The following ATF7IP2 variants were observed in gnomAD, a reference collection of about 807,000 sequenced individuals.
ATF7IP2 encodes the protein activating transcription factor 7-interacting protein 2.
Under a neutral mutation model 64.2 loss-of-function variants are expected in ATF7IP2, and 42 were observed. That is an observed-to-expected ratio of 0.65 (90% CI 0.51 to 0.85). The LOEUF (loss-of-function observed/expected upper bound fraction) is 0.85. ATF7IP2 is among the 40% of genes least tolerant of loss of function. The pLI is 0.00. For synonymous variants in ATF7IP2, 308 were observed against 272.8 expected, an observed-to-expected ratio of 1.13 and a Z score of -1.27; for missense variants, 933 against 784.2, an observed-to-expected ratio of 1.19 and a Z score of -2.27.
At chr16:10,477,903 A>G (rs560987498) in intron 12 of ATF7IP2, among the ~76,000 whole-genome samples, 2,160 of 145,666 alleles carry the variant, frequency 0.015, 65 homozygotes, top group African/African-American at 0.051. Flanking sequence ...CCCATTCGCA[A>G]TTGCTTCAAA....
intron 9 of ATF7IP2, among the ~76,000 whole-genome samples, chr16:10,468,663 A>G (rs2049672310): frequency 6.6e-6 from 1 of 152,206 alleles, no homozygotes; most frequent in South Asian, 2.1e-4. Flanking sequence ...AAAAATTCAG[A>G]TAGAGCTCTG....
chr16:10,471,982 TCC>T lies in ATF7IP2; in HGVS notation c.1353-123_1353-122del, dbSNP rs927041065. On this transcript the variant is annotated intron_variant, in intron 9 of 13. Coordinates refer to ENST00000562102, the MANE Select transcript of ATF7IP2 (RefSeq NM_001393719.1). ...GGTATTTGGTTTTATCATTTCTATTTCCCCCCACGATTGTTCAATTAAAACAT... is the reference window on the plus strand; with the variant it reads ...GGTATTTGGTTTTATCATTTCTATTTCCCCACGATTGTTCAATTAAAACAT... 7 of 445,962 alleles carry T rather than the reference TCC, an allele frequency of 1.6e-5. No individual in the cohort carries two copies. The East Asian group carries it at 2.4e-4, about 15-fold the overall frequency. 27.6% of individuals were successfully genotyped at this position (445,962 alleles called of 1,614,324 possible). A position where few individuals can be genotyped will look rare whatever the true frequency, so the allele number is the denominator to read the frequency against.
At chr16:10,463,176 A>G (rs2049431835) in intron 9 of ATF7IP2, among the ~76,000 whole-genome samples, 1 of 152,074 alleles carries the variant, frequency 6.6e-6, no homozygotes, top group South Asian at 2.1e-4. Flanking sequence ...GACAGTTGCT[A>G]ATTTTGTGTT....
At chr16:10,465,044 G>C (rs1317778640) in intron 9 of ATF7IP2, among the ~76,000 whole-genome samples, 2 of 152,204 alleles carry the variant, frequency 1.3e-5, no homozygotes, top group East Asian at 3.8e-4. Context: ...TAGTCAGGCT[G>C]CTCTCAAACT....
intron 9 of ATF7IP2, among the ~76,000 whole-genome samples, chr16:10,469,785 A>C (rs1337841123): frequency 6.6e-6 from 1 of 152,150 alleles, no homozygotes; most frequent in Non-Finnish European, 1.5e-5. Context: ...AAAAAACAAA[A>C]AAGGAACAAA....
chr16:10,433,516 C>A lies in ATF7IP2; in HGVS notation c.836-9C>A. 1 of 1,601,922 alleles carries A rather than the reference C, an allele frequency of 6.2e-7. No individual in the cohort carries two copies. The highest frequency in any genetic ancestry group is 8.5e-7 in the Non-Finnish European group (1 of 1,175,078). The stretch of plus-strand genomic sequence containing the variant: ...ATATCTTTCTTTCTAATCTTTTGAT[C>A]TCCTCAAGGCCATTATCAAAAGAAG... On this transcript the variant is annotated splice_polypyrimidine_tract_variant and intron_variant, in intron 5 of 13. Transcript: ENST00000562102.
intron 1 of ATF7IP2, among the ~76,000 whole-genome samples, chr16:10,410,484 C>T (rs981970918): frequency 6.6e-6 from 1 of 152,108 alleles, no homozygotes; most frequent in Non-Finnish European, 1.5e-5. Context: ...AACTTTGTAT[C>T]CAGAAACTTT....
chr16:10,438,794 C>A (rs975087690), intron 7 of ATF7IP2, among the ~76,000 whole-genome samples: 1 of 152,154 alleles, frequency 6.6e-6, no homozygotes, highest in Non-Finnish European at 1.5e-5. Context: ...ATGGCTCATG[C>A]CTGTAATCCC....
At chr16:10,458,716 C>CATAACCCTAATAGTATTATAAAATCA (rs2049266355) in intron 9 of ATF7IP2, among the ~76,000 whole-genome samples, 2 of 152,174 alleles carry the variant, frequency 1.3e-5, no homozygotes, top group Non-Finnish European at 2.9e-5. Flanking sequence ...ATGAGACTAG[C>CATAACCCTAATAGTATTATAAAATCA]ATAACCCTAA....
At chr16:10,425,906 A>AT (rs1423010178) in intron 3 of ATF7IP2, among the ~76,000 whole-genome samples, 3 of 152,066 alleles carry the variant, frequency 2.0e-5, no homozygotes, top group Admixed American at 6.6e-5. Context: ...AAAAAAAAAA[A>AT]GTTAAAGGTA....
In ATF7IP2 at chr16:10,409,446, T is replaced by A. The variant is rs142700926; in HGVS notation, c.-241-5128T>A. On this transcript the variant is annotated intron_variant, in intron 1 of 13. Transcript: ENST00000562102. ...ATGTAGAAGGGTTTTTCTGATGTTA[T>A]CTTCTAGAATTTTTATAGTTTCAGG... Among the ~76,000 whole-genome samples, 249 of 152,254 alleles carry A rather than the reference T, an allele frequency of 1.6e-3. 1 individual carries two copies. The highest frequency in any genetic ancestry group is 5.6e-3 in the African/African-American group (233 of 41,548).
At chr16:10,413,497 TC>T (rs1206857144) in intron 1 of ATF7IP2, among the ~76,000 whole-genome samples, 1 of 152,230 alleles carries the variant, frequency 6.6e-6, no homozygotes, top group East Asian at 1.9e-4. Context: ...TATGTCTTTA[TC>T]ACCAGCATGA....
In ATF7IP2 at chr16:10,440,397, A is replaced by G. The variant is rs2048575530; in HGVS notation, c.1129A>G (p.Thr377Ala). The stretch of plus-strand genomic sequence containing the variant: ...AGCAAAACTTCAAAGACGTATTAAA[A>G]CAGTATTATTATTTCAAAGGAATTG... ...KIAKLQRRIK[T>A]VLLFQRNCLK... Residue 377 changes from threonine to alanine, a missense_variant, in exon 8 of 14, where the codon ACA becomes GCA. Physicochemically the swap from Thr to Ala is moderately conservative, Grantham distance 58. Transcript: ENST00000562102. The G allele has an allele frequency of 1.3e-6, 2 of 1,564,548 alleles. No homozygotes were observed. The highest frequency in any genetic ancestry group is 1.2e-5 in the South Asian group (1 of 82,866).
At chr16:10,451,734 A>C (rs1326934003) in intron 8 of ATF7IP2, among the ~76,000 whole-genome samples, 2 of 151,732 alleles carry the variant, frequency 1.3e-5, no homozygotes, top group Admixed American at 6.6e-5. Context: ...CCTTTTTTCA[A>C]AGCTCTTAGC....
At chr16:10,414,841 C>T (rs1204409056) in intron 2 of ATF7IP2, among the ~76,000 whole-genome samples, 2 of 152,058 alleles carry the variant, frequency 1.3e-5, no homozygotes, top group Non-Finnish European at 2.9e-5. Context: ...TTCCCCTTTT[C>T]CTAGGAATGT....
intron 2 of ATF7IP2, among the ~76,000 whole-genome samples, chr16:10,417,978 G>T (rs2047912749): frequency 6.6e-6 from 1 of 152,214 alleles, no homozygotes; most frequent in African/African-American, 2.4e-5. Flanking sequence ...TAACCCAGTG[G>T]CACTAGAGGA....
At chr16:10,471,512 G>C (rs9938755) in intron 9 of ATF7IP2, among the ~76,000 whole-genome samples, 82,230 of 151,798 alleles carry the variant, frequency 0.54, 22,378 homozygotes, top group East Asian at 0.69. Flanking sequence ...TGGGGGACAA[G>C]AGCAAAACTC....
At chr16:10,392,872 T>G (rs779208052) in intron 1 of ATF7IP2, among the ~76,000 whole-genome samples, 1 of 150,718 alleles carries the variant, frequency 6.6e-6, no homozygotes, top group Non-Finnish European at 1.5e-5. Flanking sequence ...CTGATGTCCC[T>G]GCTACTTGAA....
intron 1 of ATF7IP2, among the ~76,000 whole-genome samples, chr16:10,389,114 A>G (rs1396695334): frequency 1.3e-5 from 2 of 152,156 alleles, no homozygotes; most frequent in East Asian, 1.9e-4. Context: ...TTGAAAGAGC[A>G]TAGACTAGGA....
Sources: allele counts gnomAD v4.1 joint callset (sites outside exome capture counted in the v4.1 genomes callset), GRCh38; gene constraint gnomAD v4.1.1; transcripts MANE v1.5; gene names NCBI Gene and HGNC (gene_info 2026-07-23, HGNC 2026-07-21).